The following RBPMS variants were observed in gnomAD, a reference collection of about 807,000 sequenced individuals.
The protein encoded by RBPMS is RNA-binding protein with multiple splicing.
Under a neutral mutation model 26.8 loss-of-function variants are expected in RBPMS, and 7 were observed. The ratio of observed to expected loss-of-function variants is 0.26; its 90% confidence interval spans 0.15 to 0.49. The LOEUF (loss-of-function observed/expected upper bound fraction) is 0.49, where lower values mean the gene tolerates loss of function less well. Ranked by LOEUF, RBPMS falls within the 20% of genes least tolerant of loss-of-function variation. The probability of loss-of-function intolerance (pLI) is 0.98; values close to 1 mark genes in which losing one functional copy is unlikely to be tolerated. For missense variants in RBPMS, 186 were observed against 250.0 expected (o/e 0.74, Z 1.73); for synonymous variants, 96 against 93.3 (o/e 1.03, Z -0.17).
intron 1 of RBPMS, among the ~76,000 whole-genome samples, chr8:30,386,260 C>A (rs1288707281): frequency 6.6e-6 from 1 of 152,166 alleles, no homozygotes; most frequent in East Asian, 1.9e-4. Flanking sequence ...GTGCAAACTT[C>A]AATTCTGATA....
rs1821109939 is a variant in RBPMS at position 30,506,765 on chromosome 8, A to C, written c.397+2329A>C. On this transcript the variant is annotated intron_variant, in intron 5 of 8. Coordinates refer to ENST00000397323, the MANE Select transcript of RBPMS (RefSeq NM_001008710.3). ...AATGTTTCTTTTGGTTACTGTTTTTATATGGTAGTGGCTGAAAAGCACTCG... is the reference window on the plus strand; with the variant it reads ...AATGTTTCTTTTGGTTACTGTTTTTCTATGGTAGTGGCTGAAAAGCACTCG... Among the ~76,000 whole-genome samples the C allele has an allele frequency of 2.0e-5, 3 of 152,304 alleles. No individual in the cohort carries two copies. In the South Asian group the frequency reaches 6.2e-4, roughly 32 times the overall value.
intron 1 of RBPMS, among the ~76,000 whole-genome samples, chr8:30,422,436 A>G (rs1035864522): frequency 1.3e-5 from 2 of 152,092 alleles, no homozygotes; most frequent in South Asian, 4.2e-4. Flanking sequence ...AATAATAATA[A>G]TACTAAATTT....
intron 7 of RBPMS, chr8:30,561,817 C>T (rs17554116): frequency 0.25 from 244,948 of 978,096 alleles, 31,916 homozygotes; most frequent in South Asian, 0.38. Context: ...CTTTTTTCCC[C>T]TTAAGAATTT....
At chr8:30,473,458 C>T (rs1294668936) in intron 1 of RBPMS, among the ~76,000 whole-genome samples, 1 of 152,152 alleles carries the variant, frequency 6.6e-6, no homozygotes, top group Non-Finnish European at 1.5e-5. Context: ...TTATTAGTGG[C>T]ACCGTAGCCA....
intron 7 of RBPMS, among the ~76,000 whole-genome samples, chr8:30,561,319 T>C (rs1376892514): frequency 6.6e-6 from 1 of 152,144 alleles, no homozygotes; most frequent in African/African-American, 2.4e-5. Context: ...GCCTTACTTA[T>C]TTGGTTGCAT....
intron 1 of RBPMS, among the ~76,000 whole-genome samples, chr8:30,439,884 TA>T (rs953069597): frequency 3.3e-5 from 5 of 151,470 alleles, no homozygotes; most frequent in East Asian, 1.9e-4. Flanking sequence ...TTTTTATAAT[TA>T]AAAAAAAATT....
At chr8:30,509,433 C>T (rs1300215268) in intron 5 of RBPMS, among the ~76,000 whole-genome samples, 1 of 152,226 alleles carries the variant, frequency 6.6e-6, no homozygotes, top group African/African-American at 2.4e-5. Context: ...GAAGTGAGTT[C>T]TGTGTCTCAT....
chr8:30,492,236 A>G (rs1020510975), intron 4 of RBPMS, among the ~76,000 whole-genome samples: 19 of 152,200 alleles, frequency 1.2e-4, no homozygotes, highest in African/African-American at 4.6e-4. Context: ...TTTTTATATT[A>G]CACAGTGTTA....
Position 30,444,202 on chromosome 8 carries a change from A to G in RBPMS, c.67-30577A>G, listed in dbSNP as rs140879065. On this transcript the variant is annotated intron_variant, in intron 1 of 8. Coordinates refer to ENST00000397323, the MANE Select transcript of RBPMS (RefSeq NM_001008710.3). ...TGAGCCACCACACCCTGCCTCTTTC[A>G]GATTGTAAAAGATAACATAGTACAT... Among the ~76,000 whole-genome samples, 1,069 of 152,336 alleles carry G rather than the reference A, an allele frequency of 7.0e-3. 17 individuals are homozygous for G. The highest frequency in any genetic ancestry group is 0.024 in the African/African-American group (1,017 of 41,576).
chr8:30,432,325 G>A (rs924043604), intron 1 of RBPMS, among the ~76,000 whole-genome samples: 1 of 152,166 alleles, frequency 6.6e-6, no homozygotes, highest in African/African-American at 2.4e-5. Context: ...GAAGACTGCA[G>A]ACAAGTTAGC....
intron 5 of RBPMS, among the ~76,000 whole-genome samples, chr8:30,515,185 T>A (rs1822177217): frequency 6.6e-6 from 1 of 152,066 alleles, no homozygotes; most frequent in Non-Finnish European, 1.5e-5. Flanking sequence ...TTGCCCAGGC[T>A]GGTATCAAGC....
chr8:30,474,902 T>C (rs752375191), intron 2 of RBPMS, 46 bp downstream of exon 2: 7 of 1,262,346 alleles, frequency 5.5e-6, no homozygotes, highest in Non-Finnish European at 8.0e-6. Flanking sequence ...GACAAAAGTC[T>C]GTATGCTTTC....
intron 2 of RBPMS, 89 bp from the exon 3 acceptor site, chr8:30,477,710 A>T: frequency 1.1e-6 from 1 of 872,416 alleles, no homozygotes; most frequent in East Asian, 2.4e-5. Flanking sequence ...AGGAGGAGTT[A>T]GGTAATCAAT....
intron 1 of RBPMS, among the ~76,000 whole-genome samples, chr8:30,461,329 G>A (rs142240882): frequency 1.4e-3 from 217 of 152,180 alleles, no homozygotes; most frequent in South Asian, 5.0e-3. Flanking sequence ...TTTATTTAAC[G>A]TATACTGAAA....
intron 4 of RBPMS, among the ~76,000 whole-genome samples, chr8:30,491,778 C>G (rs1162616250): frequency 6.6e-6 from 1 of 152,090 alleles, no homozygotes; most frequent in Non-Finnish European, 1.5e-5. Flanking sequence ...CCTCAAATGA[C>G]CTAACAAGCA....
intron 4 of RBPMS, among the ~76,000 whole-genome samples, chr8:30,503,757 C>T (rs532732785): frequency 7.2e-5 from 11 of 152,176 alleles, no homozygotes; most frequent in Admixed American, 2.6e-4. Context: ...CATGGGTGCA[C>T]ATTTAAAATA....
chr8:30,556,962 T>C (rs1826985258), intron 6 of RBPMS, among the ~76,000 whole-genome samples: 1 of 151,548 alleles, frequency 6.6e-6, no homozygotes, highest in Non-Finnish European at 1.5e-5. Context: ...TTTTCTAGCC[T>C]TCCTGCCTGG....
At chr8:30,524,843 C>T (rs902739949) in intron 5 of RBPMS, among the ~76,000 whole-genome samples, 44 of 152,120 alleles carry the variant, frequency 2.9e-4, no homozygotes, top group African/African-American at 9.9e-4. Context: ...TAATTTCAAA[C>T]TTTATCAGTA....
chr8:30,569,784 T>G (rs1585917872), intron 8 of RBPMS, among the ~76,000 whole-genome samples: 1 of 152,024 alleles, frequency 6.6e-6, no homozygotes, highest in Admixed American at 6.6e-5. Flanking sequence ...AGGCCAGGGG[T>G]GCACAGGGAT....
Sources: allele counts gnomAD v4.1 joint callset (sites outside exome capture counted in the v4.1 genomes callset), GRCh38; gene constraint gnomAD v4.1.1; transcripts MANE v1.5; gene names NCBI Gene and HGNC (gene_info 2026-07-23, HGNC 2026-07-21).